Variants in MCTP1 observed in about 807,000 individuals in gnomAD.
MCTP1 encodes multiple C2 and transmembrane domain-containing protein 1.
In MCTP1, 69 loss-of-function variants were observed where a neutral mutation model predicts 120.6. The observed-to-expected ratio is 0.57, with a 90% CI of 0.47 to 0.70. MCTP1 has a LOEUF of 0.70. Ranked by LOEUF, MCTP1 falls within the 30% of genes least tolerant of loss-of-function variation. The probability of loss-of-function intolerance (pLI) is 0.00; values close to 1 mark genes in which losing one functional copy is unlikely to be tolerated. For synonymous variants in MCTP1, 529 were observed against 493.1 expected (o/e 1.07, Z -0.96); for missense variants, 1,203 against 1,248.8 (o/e 0.96, Z 0.55).
chr5:94,718,488 G>T (rs1760058988), intron 19 of MCTP1, among the ~76,000 whole-genome samples: 1 of 151,888 alleles, frequency 6.6e-6, no homozygotes, highest in African/African-American at 2.4e-5. Flanking sequence ...ATTTTGATTT[G>T]GTTGCAATGC....
intron 1 of MCTP1, among the ~76,000 whole-genome samples, chr5:95,199,164 T>C (rs1350202324): frequency 6.6e-6 from 1 of 152,206 alleles, no homozygotes; most frequent in Non-Finnish European, 1.5e-5. Context: ...AACCAACATT[T>C]CATTTTAATT....
intron 1 of MCTP1, among the ~76,000 whole-genome samples, chr5:95,239,026 T>A (rs1173330431): frequency 6.6e-6 from 1 of 152,164 alleles, no homozygotes; most frequent in Non-Finnish European, 1.5e-5. Context: ...CTATCATGCA[T>A]CTAACTGTAC....
chr5:94,708,640 A>G (rs773644796), intron 21 of MCTP1, 31 bp from the exon 22 acceptor site: 2 of 1,360,322 alleles, frequency 1.5e-6, no homozygotes, highest in African/African-American at 2.9e-5. Flanking sequence ...AACAAAGCAC[A>G]TTTCTGACAA....
rs1382072669 is a variant in MCTP1, at chr5:94,799,222, AAC to A, written c.2437-92_2437-91del. On this transcript the variant is annotated intron_variant, in intron 17 of 22. Transcript: ENST00000515393. ...TTTATACTCTACTTCAAAAACACAA[AAC>A]CAAATGCTTCAGAACAGGAAGATTT... 5.9e-6 allele frequency: 7 copies of A among 1,179,108 alleles called. No individual in the cohort carries two copies. In the African/African-American group the frequency reaches 7.9e-5, roughly 13 times the overall value. The allele number at this position is 1,179,108 out of a possible 1,614,324, so 73.0% of individuals were successfully genotyped here.
intron 1 of MCTP1, among the ~76,000 whole-genome samples, chr5:95,047,169 G>A (rs1744751721): frequency 6.6e-6 from 1 of 152,132 alleles, no homozygotes; most frequent in African/African-American, 2.4e-5. Flanking sequence ...CATGAAAGTA[G>A]ATGATGTCCT....
chr5:94,974,898 C>T (rs541842318), intron 2 of MCTP1, among the ~76,000 whole-genome samples: 4 of 152,058 alleles, frequency 2.6e-5, no homozygotes, highest in Non-Finnish European at 5.9e-5. Flanking sequence ...CACAAATGAC[C>T]ATGGTAATGA....
intron 17 of MCTP1, among the ~76,000 whole-genome samples, chr5:94,848,028 G>C (rs180717264): frequency 6.0e-4 from 91 of 152,046 alleles, no homozygotes; most frequent in Non-Finnish European, 1.1e-3. Context: ...TTGGGGAGGG[G>C]GTGGTGAGCA....
chr5:95,059,384 G>A (rs564233735), intron 1 of MCTP1, among the ~76,000 whole-genome samples: 16 of 152,206 alleles, frequency 1.1e-4, no homozygotes, highest in African/African-American at 3.1e-4. Flanking sequence ...CATAAAGATC[G>A]TAGCAGCAAT....
intron 19 of MCTP1, among the ~76,000 whole-genome samples, chr5:94,753,490 G>A (rs1768990793): frequency 6.6e-6 from 1 of 152,152 alleles, no homozygotes; most frequent in Non-Finnish European, 1.5e-5. Flanking sequence ...TTTTAGAAGT[G>A]CAAAACAGCT....
intron 1 of MCTP1, among the ~76,000 whole-genome samples, chr5:95,274,587 AC>A (rs1236269622): frequency 5.9e-5 from 9 of 151,932 alleles, no homozygotes; most frequent in Non-Finnish European, 1.2e-4. Flanking sequence ...CTTCCCATGA[AC>A]CATTTCCAAC....
At chr5:95,146,844 T>C (rs1483489711) in intron 1 of MCTP1, among the ~76,000 whole-genome samples, 1 of 152,118 alleles carries the variant, frequency 6.6e-6, no homozygotes, top group Non-Finnish European at 1.5e-5. Flanking sequence ...AAAAACCGTG[T>C]ATATTTTGTG....
At chr5:94,795,033 G>A (rs1779712955) in intron 18 of MCTP1, among the ~76,000 whole-genome samples, 1 of 152,132 alleles carries the variant, frequency 6.6e-6, no homozygotes, top group Non-Finnish European at 1.5e-5. Flanking sequence ...CACTTTCTGT[G>A]TGTTTTTGGG....
intron 1 of MCTP1, among the ~76,000 whole-genome samples, chr5:95,250,299 C>T (rs1356222667): frequency 6.6e-6 from 1 of 152,078 alleles, no homozygotes; most frequent in Non-Finnish European, 1.5e-5. Flanking sequence ...TCTGCATCGC[C>T]CCATGGGACT....
chr5:94,769,669 AATTT>A (rs1187625702), intron 19 of MCTP1, among the ~76,000 whole-genome samples: 4 of 152,144 alleles, frequency 2.6e-5, no homozygotes, highest in African/African-American at 9.7e-5. Context: ...CTACTCTAAA[AATTT>A]ATTAGACTTT....
intron 19 of MCTP1, among the ~76,000 whole-genome samples, chr5:94,744,267 C>G (rs1379133279): frequency 2.6e-5 from 4 of 152,366 alleles, no homozygotes; most frequent in African/African-American, 9.6e-5. Context: ...AGCCGTTGAG[C>G]TCAGCTTCTC....
At chr5:95,180,356 C>G (rs1316214884) in intron 1 of MCTP1, among the ~76,000 whole-genome samples, 1 of 152,236 alleles carries the variant, frequency 6.6e-6, no homozygotes, top group Admixed American at 6.5e-5. Context: ...CATGTTACTC[C>G]AGCAAAACAA....
intron 1 of MCTP1, among the ~76,000 whole-genome samples, chr5:95,215,425 G>C (rs1240433439): frequency 6.6e-6 from 1 of 152,184 alleles, no homozygotes; most frequent in Non-Finnish European, 1.5e-5. Context: ...TTTAGGGGCT[G>C]GGAGATCATC....
At chr5:94,769,992 G>T (rs1351660963) in intron 19 of MCTP1, among the ~76,000 whole-genome samples, 2 of 152,088 alleles carry the variant, frequency 1.3e-5, no homozygotes, top group East Asian at 3.8e-4. Flanking sequence ...AACTCCTGTT[G>T]GCAAGTTCTT....
At chr5:95,016,636 G>C (rs148326836) in intron 2 of MCTP1, among the ~76,000 whole-genome samples, 181 of 151,972 alleles carry the variant, frequency 1.2e-3, no homozygotes, top group African/African-American at 4.2e-3. Context: ...GCCTCCTTTG[G>C]AATTGGGGGC....
Sources: gnomAD v4.1 joint callset for allele counts (sites outside exome capture counted in the v4.1 genomes callset) on GRCh38, gnomAD v4.1.1 for gene constraint, MANE v1.5 for transcripts, NCBI Gene and HGNC (gene_info 2026-07-23, HGNC 2026-07-21) for gene names.